Variants in ARK2C observed in about 807,000 individuals in gnomAD.
ARK2C encodes E3 ubiquitin-protein ligase ARK2C.
chr18:46,395,413 TC>T, the ARK2C span, among the ~76,000 whole-genome samples: 1 of 152,172 alleles, frequency 6.6e-6, no homozygotes, highest in Non-Finnish European at 1.5e-5. Flanking sequence ...TCCTGGCACC[TC>T]CCCACTAGAT....
the ARK2C span, among the ~76,000 whole-genome samples, chr18:46,391,948 G>A: frequency 1.2e-3 from 174 of 150,076 alleles, 1 homozygote; most frequent in East Asian, 0.029. Context: ...CAACACACAC[G>A]CACATGACAC....
At chr18:46,430,677 G>C in the ARK2C span, among the ~76,000 whole-genome samples, 1 of 152,062 alleles carries the variant, frequency 6.6e-6, no homozygotes, top group Non-Finnish European at 1.5e-5. Context: ...CGGTTTCTGA[G>C]AGTCCCCAGC....
the ARK2C span, among the ~76,000 whole-genome samples, chr18:46,435,742 A>G: frequency 1.3e-5 from 2 of 152,150 alleles, no homozygotes; most frequent in East Asian, 3.9e-4. Flanking sequence ...AGAAAGGAGA[A>G]TTCCGAGGAA....
the ARK2C span, among the ~76,000 whole-genome samples, chr18:46,424,539 T>C: frequency 6.6e-6 from 1 of 152,232 alleles, no homozygotes; most frequent in South Asian, 2.1e-4. Flanking sequence ...ATCTCAGGTC[T>C]GCTCTGTCCA....
chr18:46,399,588 G>A, the ARK2C span, among the ~76,000 whole-genome samples: 1 of 152,204 alleles, frequency 6.6e-6, no homozygotes, highest in African/African-American at 2.4e-5. Context: ...AGGCAATGAT[G>A]GGAGGGTGGG....
the ARK2C span, among the ~76,000 whole-genome samples, chr18:46,362,658 C>T: frequency 6.6e-6 from 1 of 152,222 alleles, no homozygotes; most frequent in Non-Finnish European, 1.5e-5. Context: ...TGGCCTTAGC[C>T]AGTGAAACCT....
At chr18:46,374,389 A>C in the ARK2C span, among the ~76,000 whole-genome samples, 1 of 151,642 alleles carries the variant, frequency 6.6e-6, no homozygotes, top group African/African-American at 2.4e-5. Context: ...CCCAATGAAA[A>C]CTCTGTCCCC....
the ARK2C span, among the ~76,000 whole-genome samples, chr18:46,399,220 C>T: frequency 6.6e-6 from 1 of 152,144 alleles, no homozygotes. Flanking sequence ...TCCTTAGGGT[C>T]ACACAGGCGG....
At chr18:46,375,056 C>A in the ARK2C span, among the ~76,000 whole-genome samples, 2 of 152,148 alleles carry the variant, frequency 1.3e-5, no homozygotes, top group African/African-American at 2.4e-5. Flanking sequence ...CATGCTTTGC[C>A]GGAGGATTTG....
the ARK2C span, among the ~76,000 whole-genome samples, chr18:46,427,886 G>A: frequency 5.9e-5 from 9 of 152,212 alleles, no homozygotes; most frequent in Non-Finnish European, 1.2e-4. Context: ...CCCTGGGGCT[G>A]GTGGGCAGGG....
At chr18:46,442,907 G>A in the ARK2C span, among the ~76,000 whole-genome samples, 1 of 152,096 alleles carries the variant, frequency 6.6e-6, no homozygotes. Flanking sequence ...CCTTATCCTT[G>A]GTAATATCCC....
the ARK2C span, among the ~76,000 whole-genome samples, chr18:46,398,173 G>A: frequency 4.0e-5 from 6 of 148,712 alleles, no homozygotes; most frequent in Admixed American, 2.0e-4. Context: ...GGGTGTGTGT[G>A]CATGTGGTGT....
chr18:46,450,968 C>T, the ARK2C span, among the ~76,000 whole-genome samples: 8 of 152,056 alleles, frequency 5.3e-5, no homozygotes, highest in Admixed American at 2.0e-4. Context: ...TGTTACTTTT[C>T]TGTGCCAGGT....
At chr18:46,367,361 T>G in the ARK2C span, among the ~76,000 whole-genome samples, 1 of 152,086 alleles carries the variant, frequency 6.6e-6, no homozygotes, top group Non-Finnish European at 1.5e-5. Context: ...GAGCACAAAT[T>G]GGAGGATTGC....
chr18:46,449,496 G>A, the ARK2C span, among the ~76,000 whole-genome samples: 17 of 152,204 alleles, frequency 1.1e-4, no homozygotes, highest in Non-Finnish European at 2.2e-4. Flanking sequence ...TGGAGGCAGT[G>A]CAGAGTAGGA....
chr18:46,369,366 GGT>G, the ARK2C span, among the ~76,000 whole-genome samples: 34,099 of 151,172 alleles, frequency 0.23, 4,131 homozygotes, highest in East Asian at 0.45. Flanking sequence ...GTAGAATCCT[GGT>G]GTGTGTGTGT....
the ARK2C span, among the ~76,000 whole-genome samples, chr18:46,393,340 T>A: frequency 6.6e-6 from 1 of 152,076 alleles, no homozygotes; most frequent in East Asian, 1.9e-4. Context: ...AGGTGTGGGG[T>A]GCATCTGGCC....
the ARK2C span, among the ~76,000 whole-genome samples, chr18:46,348,134 G>A: frequency 2.0e-5 from 3 of 151,922 alleles, no homozygotes; most frequent in African/African-American, 7.3e-5. Flanking sequence ...ACATCCTGGG[G>A]AGGGCAATGC....
At chr18:46,341,170 T>C in the ARK2C span, among the ~76,000 whole-genome samples, 2 of 149,330 alleles carry the variant, frequency 1.3e-5, no homozygotes, top group African/African-American at 5.0e-5. Context: ...AGAAAAGGCT[T>C]GAAGAGGTTT....
Sources: allele counts gnomAD v4.1 joint callset (sites outside exome capture counted in the v4.1 genomes callset), GRCh38; gene constraint gnomAD v4.1.1; transcripts MANE v1.5; gene names NCBI Gene and HGNC (gene_info 2026-07-23, HGNC 2026-07-21).